Variants in TBPL2 observed in about 807,000 individuals in gnomAD.
The protein encoded by TBPL2 is TATA box-binding protein-like 2.
Under a neutral mutation model 38.2 loss-of-function variants are expected in TBPL2, and 40 were observed. The ratio of observed to expected loss-of-function variants is 1.05; its 90% CI spans 0.81 to 1.36. The LOEUF (loss-of-function observed/expected upper bound fraction) is 1.36, where lower values mean the gene tolerates loss of function less well. TBPL2 is among the 40% of genes most tolerant of loss of function. The pLI is 0.00. For synonymous variants in TBPL2, 169 were observed against 171.7 expected, an observed-to-expected ratio of 0.98 and a Z score of 0.12; for missense variants, 461 against 456.7, an observed-to-expected ratio of 1.01 and a Z score of -0.09.
chr14:55,436,812 G>A (rs369692725), exon 2 of TBPL2: 127 of 1,614,078 alleles, frequency 7.9e-5, no homozygotes, highest in African/African-American at 1.1e-4. Context: ...CTTCAGTTTC[G>A]TGTTTGCTAA....
intron 5 of TBPL2, among the ~76,000 whole-genome samples, chr14:55,426,849 G>C (rs946868300): frequency 6.6e-6 from 1 of 152,190 alleles, no homozygotes; most frequent in Admixed American, 6.5e-5. Context: ...CCAGAAGCTG[G>C]TAGTAATAAC....
intron 5 of TBPL2, among the ~76,000 whole-genome samples, chr14:55,426,192 TG>T (rs1338986717): frequency 6.6e-6 from 1 of 150,880 alleles, no homozygotes; most frequent in South Asian, 2.1e-4. Context: ...ACTTGAACCC[TG>T]GGGGGTGGAG....
Position 55,439,617 on chromosome 14 carries a change from C to CCCCGCCCCCCG in TBPL2, c.150+778_150+779insCGGGGGGCGGG, listed in dbSNP as rs1555344748. 2.8e-5 allele frequency among the ~76,000 whole-genome samples: 2 copies of CCCCGCCCCCCG among 72,628 alleles called. 1 individual carries two copies. The highest frequency in any genetic ancestry group is 5.9e-5 in the Non-Finnish European group (2 of 33,676). The allele number at this position is 72,628 out of a possible 152,430, so 47.6% of individuals were successfully genotyped here. A position where few individuals can be genotyped will look rare whatever the true frequency, so the allele number is the denominator to read the frequency against. ...ACCAGCCTGGGGAGAAAAGCAAACC[C>CCCCGCCCCCCG]CCCCCCGTCTCTACTAAAAAATACA... On this transcript the variant is annotated intron_variant, in intron 1 of 6. Transcript: ENST00000247219.
chr14:55,439,614 A>ACCCCCC (rs576819393), intron 1 of TBPL2, among the ~76,000 whole-genome samples: 4 of 84,496 alleles, frequency 4.7e-5, no homozygotes, highest in African/African-American at 7.9e-5. Flanking sequence ...AGAAAAGCAA[A>ACCCCCC]CCCCCCCCCG....
At chr14:55,420,371 G>T (rs139757921) in intron 6 of TBPL2, among the ~76,000 whole-genome samples, 1 of 152,160 alleles carries the variant, frequency 6.6e-6, no homozygotes, top group African/African-American at 2.4e-5. Context: ...ATCCATTTGC[G>T]GGTGAAAAGA....
Position 55,440,339 on chromosome 14 carries a change from G to A in TBPL2, c.150+57C>T, listed in dbSNP as rs1886090283. On this transcript the variant is annotated intron_variant, in intron 1 of 6. Coordinates refer to ENST00000247219, the Ensembl canonical transcript of TBPL2. ...TAAGAGGAACGAAGGCAAAGCCCTTGGCACAGGACCGGGCGGGACTTGGGT... is the reference window on the plus strand; with the variant it reads ...TAAGAGGAACGAAGGCAAAGCCCTTAGCACAGGACCGGGCGGGACTTGGGT... 5 of 1,598,400 alleles carry A rather than the reference G, an allele frequency of 3.1e-6. No individual in the cohort carries two copies. In the Admixed American group the frequency reaches 5.2e-5, roughly 17 times the overall value.
At chr14:55,420,107 G>C (rs1403417358) in intron 6 of TBPL2, among the ~76,000 whole-genome samples, 1 of 152,136 alleles carries the variant, frequency 6.6e-6, no homozygotes, top group Non-Finnish European at 1.5e-5. Flanking sequence ...CTCTTGCTCT[G>C]TTACCCAGGC....
intron 5 of TBPL2, among the ~76,000 whole-genome samples, chr14:55,425,866 G>A (rs1183593958): frequency 6.6e-6 from 1 of 152,156 alleles, no homozygotes; most frequent in African/African-American, 2.4e-5. Context: ...GTGGGCAAGG[G>A]ACTATAGCTA....
At chr14:55,428,119 C>CTTTTTTTT (rs567342581) in intron 5 of TBPL2, among the ~76,000 whole-genome samples, 2,315 of 43,362 alleles carry the variant, frequency 0.053, 859 homozygotes, top group East Asian at 0.093. Context: ...CATGCCTTAT[C>CTTTTTTTT]TTTTTTTTTT....
intron 4 of TBPL2, among the ~76,000 whole-genome samples, chr14:55,433,133 T>A (rs1885958640): frequency 6.6e-6 from 1 of 151,986 alleles, no homozygotes; most frequent in Non-Finnish European, 1.5e-5. Context: ...AGTATTTTAT[T>A]ATTTTTTTTA....
chr14:55,429,314 C>G (rs1393387326), intron 4 of TBPL2, among the ~76,000 whole-genome samples: 2 of 152,254 alleles, frequency 1.3e-5, no homozygotes, highest in African/African-American at 4.8e-5. Flanking sequence ...CACCTGGGAA[C>G]TTGTTAGAAA....
At chr14:55,417,786 A>C (rs1274688204) in intron 6 of TBPL2, among the ~76,000 whole-genome samples, 1 of 152,170 alleles carries the variant, frequency 6.6e-6, no homozygotes, top group Admixed American at 6.5e-5. Flanking sequence ...TCAGGCTGTA[A>C]TTTCTGGGGA....
intron 6 of TBPL2, among the ~76,000 whole-genome samples, chr14:55,421,078 A>AAAG (rs1885737351): frequency 6.7e-6 from 1 of 148,680 alleles, no homozygotes; most frequent in African/African-American, 2.5e-5. Context: ...AAAAAAAAAA[A>AAAG]GAAAAAAGAA....
intron 6 of TBPL2, among the ~76,000 whole-genome samples, chr14:55,421,060 CAAAAAA>C (rs71131263): frequency 5.6e-5 from 6 of 107,566 alleles, no homozygotes; most frequent in South Asian, 3.3e-4. Context: ...GAATCTGTCT[CAAAAAA>C]AAAAAAAAAA....
chr14:55,423,757 G>C (rs761714254), intron 6 of TBPL2, among the ~76,000 whole-genome samples: 1 of 152,198 alleles, frequency 6.6e-6, no homozygotes, highest in East Asian at 1.9e-4. Flanking sequence ...CTCAGTAATT[G>C]TGACAGACCC....
chr14:55,420,164 A>G (rs1211528130), intron 6 of TBPL2, among the ~76,000 whole-genome samples: 1 of 152,170 alleles, frequency 6.6e-6, no homozygotes, highest in Non-Finnish European at 1.5e-5. Context: ...TCCGCCTCCC[A>G]GGTTCAAGCG....
At chr14:55,440,321 A>C (rs1421235721) in intron 1 of TBPL2, 75 bp downstream of exon 1, 6 of 1,561,564 alleles carry the variant, frequency 3.8e-6, no homozygotes, top group Admixed American at 3.7e-5. Flanking sequence ...TTTTAAGAGG[A>C]ACGAAGGCAA....
chr14:55,428,725 G>C, intron 5 of TBPL2, 82 bp downstream of exon 5: 1 of 1,357,054 alleles, frequency 7.4e-7, no homozygotes, highest in Non-Finnish European at 1.0e-6. Context: ...CAATTTCTCT[G>C]AAAGATACTT....
intron 4 of TBPL2, among the ~76,000 whole-genome samples, chr14:55,432,970 C>T (rs1885955744): frequency 6.6e-6 from 1 of 152,150 alleles, no homozygotes; most frequent in Non-Finnish European, 1.5e-5. Context: ...CATTTATCTG[C>T]AATGAGGAAA....
Sources: allele counts gnomAD v4.1 joint callset (sites outside exome capture counted in the v4.1 genomes callset), GRCh38; gene constraint gnomAD v4.1.1; transcripts MANE v1.5; gene names NCBI Gene and HGNC (gene_info 2026-07-23, HGNC 2026-07-21).